FAM13B: variants seen among roughly 807,000 people sequenced by gnomAD.
FAM13B encodes protein FAM13B.
Under a neutral mutation model 117.3 loss-of-function variants are expected in FAM13B, and 60 were observed. The observed-to-expected ratio is 0.51, with a 90% CI of 0.42 to 0.63. The LOEUF (loss-of-function observed/expected upper bound fraction) is 0.63, where lower values mean the gene tolerates loss of function less well. Among genes scored for constraint, FAM13B ranks in the 30% least tolerant of loss-of-function variants. The probability of loss-of-function intolerance (pLI) is 0.00; values close to 1 mark genes in which losing one functional copy is unlikely to be tolerated. For synonymous variants in FAM13B, 332 were observed against 356.1 expected (o/e 0.93, Z 0.76); for missense variants, 972 against 1,091.9 (o/e 0.89, Z 1.55).
At chr5:137,967,513 A>G (rs1319652521) in intron 10 of FAM13B, among the ~76,000 whole-genome samples, 1 of 149,482 alleles carries the variant, frequency 6.7e-6, no homozygotes, top group African/African-American at 2.5e-5. Flanking sequence ...ACAAACCGAG[A>G]CTCTGTCTCA....
At chr5:137,943,904 T>C (rs1762624844) in intron 20 of FAM13B, among the ~76,000 whole-genome samples, 1 of 152,222 alleles carries the variant, frequency 6.6e-6, no homozygotes, top group Admixed American at 6.5e-5. Flanking sequence ...AAATTCACCC[T>C]TTTAAAATGT....
Position 138,011,480 on chromosome 5 carries a change from G to A in FAM13B, c.548+288C>T, listed in dbSNP as rs1378404869. The stretch of plus-strand genomic sequence containing the variant: ...GTCACCCAGGCTGGAGTGCATTGGC[G>A]CGATCTCGGCTCACTGCAAGCTCCG... On this transcript the variant is annotated intron_variant, in intron 5 of 23. Coordinates refer to ENST00000689681, the MANE Select transcript of FAM13B (RefSeq NM_001385994.1). Among the ~76,000 whole-genome samples the A allele has an allele frequency of 4.0e-5, 6 of 151,474 alleles. No individual in the cohort carries two copies. The East Asian group carries it at 7.7e-4, about 20-fold the overall frequency.
At chr5:138,013,702 G>C (rs1169464077) in intron 4 of FAM13B, among the ~76,000 whole-genome samples, 1 of 152,076 alleles carries the variant, frequency 6.6e-6, no homozygotes, top group Non-Finnish European at 1.5e-5. Context: ...ACCTATAACT[G>C]ATGAGAAATT....
At chr5:137,977,189 C>T (rs931166277) in intron 10 of FAM13B, among the ~76,000 whole-genome samples, 2 of 152,022 alleles carry the variant, frequency 1.3e-5, no homozygotes, top group South Asian at 2.1e-4. Flanking sequence ...CTTATTAGGA[C>T]GAGGAAATTC....
chr5:137,999,206 C>T (rs1780594056), intron 7 of FAM13B, among the ~76,000 whole-genome samples: 1 of 151,818 alleles, frequency 6.6e-6, no homozygotes, highest in Non-Finnish European at 1.5e-5. Flanking sequence ...CTGGACCTCC[C>T]ATGCTCAAGC....
chr5:138,024,980 C>T (rs1485758937), intron 1 of FAM13B, among the ~76,000 whole-genome samples: 6 of 151,780 alleles, frequency 4.0e-5, no homozygotes, highest in East Asian at 1.9e-4. Flanking sequence ...AAGCGATTCT[C>T]GTGCCTCAGC....
At chr5:137,960,821 T>C (rs1244321235) in intron 11 of FAM13B, among the ~76,000 whole-genome samples, 1 of 152,286 alleles carries the variant, frequency 6.6e-6, no homozygotes, top group Admixed American at 6.5e-5. Context: ...TTAGAACAAG[T>C]GTTATAGCAA....
intron 10 of FAM13B, among the ~76,000 whole-genome samples, chr5:137,979,410 C>T (rs1775000549): frequency 6.6e-6 from 1 of 152,092 alleles, no homozygotes; most frequent in Admixed American, 6.6e-5. Context: ...TTTATGACTA[C>T]TACAAAAAAC....
intron 7 of FAM13B, among the ~76,000 whole-genome samples, chr5:138,003,878 G>C (rs941401389): frequency 6.6e-6 from 1 of 152,142 alleles, no homozygotes; most frequent in Non-Finnish European, 1.5e-5. Context: ...TCTTATCTTT[G>C]CATTTCGATT....
At position 137,987,509 on chromosome 5, in the gene FAM13B, T is replaced by G; in HGVS notation, c.998A>C (p.Asn333Thr). 1 of 1,613,496 alleles carries G rather than the reference T, an allele frequency of 6.2e-7. No individual in the cohort carries two copies. Among genetic ancestry groups the G allele is most frequent in the Non-Finnish European group, 8.5e-7 (1 of 1,179,672 alleles). ...KNLQQQSVVC[N>T]NEAESIHCDG... is the part of the protein sequence containing the mutation. ...ACAATGAATACTTTCTGCTTCATTA[T>G]TACACACCACACTTTGCTGTTGTAA... Residue 333 changes from asparagine (N) to threonine (T), a missense_variant, in exon 9 of 24, where the codon AAT becomes ACT. By Grantham distance (65) the Asn-to-Thr change is moderately conservative (BLOSUM62 0). Coordinates refer to ENST00000689681, the MANE Select transcript of FAM13B (RefSeq NM_001385994.1).
rs113497695 is a variant in FAM13B at position 137,984,999 on chromosome 5, G to A, written c.1179+258C>T. On this transcript the variant is annotated intron_variant, in intron 10 of 23. Coordinates refer to ENST00000689681, the MANE Select transcript of FAM13B (RefSeq NM_001385994.1). ...TTAGCCAGGATGGTCTCGATCTCCT[G>A]ACCTCATGATCTGCCCGCCTTGGCC... 4.3e-3 allele frequency among the ~76,000 whole-genome samples: 659 copies of A among 152,212 alleles called. 9 individuals carry two copies. The highest frequency in any genetic ancestry group is 0.015 in the African/African-American group (638 of 41,526).
intron 7 of FAM13B, among the ~76,000 whole-genome samples, chr5:137,994,331 C>CT (rs1779344436): frequency 6.6e-6 from 1 of 152,186 alleles, no homozygotes; most frequent in African/African-American, 2.4e-5. Context: ...AATTGTACAA[C>CT]TTTGTTCTCT....
At chr5:137,968,424 C>A (rs1770800235) in intron 10 of FAM13B, among the ~76,000 whole-genome samples, 1 of 143,898 alleles carries the variant, frequency 6.9e-6, no homozygotes, top group South Asian at 2.2e-4. Context: ...CTGGGCAAGA[C>A]TGAGACTCTG....
intron 4 of FAM13B, among the ~76,000 whole-genome samples, chr5:138,014,118 G>A (rs750139152): frequency 6.6e-6 from 1 of 152,122 alleles, no homozygotes; most frequent in South Asian, 2.1e-4. Flanking sequence ...TGAAGTTTCT[G>A]TAACAACAGG....
intron 10 of FAM13B, among the ~76,000 whole-genome samples, chr5:137,966,876 G>A (rs772637060): frequency 5.3e-5 from 8 of 152,094 alleles, no homozygotes; most frequent in Non-Finnish European, 1.2e-4. Flanking sequence ...TCATATTGGT[G>A]GGAAAAGGAT....
At chr5:137,976,795 T>C (rs950392410) in intron 10 of FAM13B, among the ~76,000 whole-genome samples, 3 of 152,210 alleles carry the variant, frequency 2.0e-5, no homozygotes, top group African/African-American at 4.8e-5. Context: ...CCATCATTTT[T>C]GTAAACTGAG....
chr5:137,966,486 T>G (rs199741640), intron 10 of FAM13B, among the ~76,000 whole-genome samples: 5,989 of 42,096 alleles, frequency 0.14, 267 homozygotes, highest in Non-Finnish European at 0.16. Context: ...TATATATATA[T>G]ATAGAGAGAG....
intron 1 of FAM13B, among the ~76,000 whole-genome samples, chr5:138,026,114 T>A (rs1302764661): frequency 3.9e-5 from 6 of 152,214 alleles, no homozygotes; most frequent in African/African-American, 1.4e-4. Context: ...TTTAACTATA[T>A]CAACTCATTT....
rs1345626716 is a variant in FAM13B at position 137,946,262 on chromosome 5, C to T, written c.2210G>A (p.Ser737Asn). Residue 737 changes from serine (S) to asparagine (N), a missense_variant, in exon 19 of 24, where the codon AGT becomes AAT. By Grantham distance (46) the Ser-to-Asn change is conservative (BLOSUM62 1). Coordinates refer to ENST00000689681, the MANE Select transcript of FAM13B (RefSeq NM_001385994.1). ...ATGTTGACTTTCATAGTAAAGAAGA[C>T]TTTTCTGAAGAGAAGCTTTCTCTTC... is the stretch of plus-strand genomic sequence containing the variant. The part of the protein sequence containing the change: ...LVEEKASLQK[S>N]LLYYESQHGR... The T allele has an allele frequency of 1.9e-6, 3 of 1,589,582 alleles. No homozygotes were observed. The African/African-American group carries it at 4.1e-5, about 22-fold the overall frequency.
Sources: allele counts gnomAD v4.1 joint callset (sites outside exome capture counted in the v4.1 genomes callset), GRCh38; gene constraint gnomAD v4.1.1; transcripts MANE v1.5; gene names NCBI Gene and HGNC (gene_info 2026-07-23, HGNC 2026-07-21).